Variants in C10orf143 observed in about 807,000 individuals in gnomAD.
C10orf143 encodes chromosome 10 open reading frame 143, also known as uncharacterized protein C10orf143.
chr10:130,109,288 T>C (rs1407288664), intron 1 of C10orf143, among the ~76,000 whole-genome samples: 1 of 152,222 alleles, frequency 6.6e-6, no homozygotes, highest in African/African-American at 2.4e-5. Context: ...TTTGTTTTTC[T>C]GCCATCTGGT....
At chr10:130,107,810 G>A in intron 1 of C10orf143, 1 of 1,250,192 alleles carries the variant, frequency 8.0e-7, no homozygotes, top group Middle Eastern at 1.9e-4. Context: ...GTCTCCTTCT[G>A]ACACTGGGTC....
At chr10:130,094,975 C>T (rs1029001469) in intron 1 of C10orf143, among the ~76,000 whole-genome samples, 1 of 114,226 alleles carries the variant, frequency 8.8e-6, no homozygotes, top group Non-Finnish European at 2.1e-5. Flanking sequence ...ATTTAGGAAA[C>T]CCCATTGTCT....
intron 3 of C10orf143, among the ~76,000 whole-genome samples, chr10:130,036,855 T>C (rs1033927512): frequency 1.3e-5 from 2 of 151,810 alleles, no homozygotes; most frequent in African/African-American, 2.4e-5. Context: ...TATGGGCCTG[T>C]CCTGGAGCGC....
chr10:130,062,721 A>AGGCTGCCTTCCTTGCTCCTC (rs1860869991), downstream of C10orf143, among the ~76,000 whole-genome samples: 3 of 152,174 alleles, frequency 2.0e-5, no homozygotes, highest in African/African-American at 7.2e-5. Context: ...CATGCAAGTC[A>AGGCTGCCTTCCTTGCTCCTC]ATACTCCTTA....
At chr10:130,100,999 C>G (rs1181641363) in intron 1 of C10orf143, 1 of 152,036 alleles carries the variant, frequency 6.6e-6, no homozygotes, top group Non-Finnish European at 1.5e-5. Context: ...GGGTGGATCA[C>G]CTGAGGTCAG....
At chr10:130,051,247 GCCT>G (rs1860733789) in intron 3 of C10orf143, among the ~76,000 whole-genome samples, 1 of 142,260 alleles carries the variant, frequency 7.0e-6, no homozygotes, top group African/African-American at 2.7e-5. Flanking sequence ...TCCTACCCCC[GCCT>G]CATTAAGAGT....
intron 3 of C10orf143, among the ~76,000 whole-genome samples, chr10:130,037,577 C>T (rs971242286): frequency 1.3e-5 from 2 of 152,224 alleles, no homozygotes; most frequent in Admixed American, 6.5e-5. Context: ...CCAGGGAGGG[C>T]AGCCCCACCT....
chr10:130,109,515 G>A (rs1356733353), intron 1 of C10orf143, among the ~76,000 whole-genome samples: 1 of 152,116 alleles, frequency 6.6e-6, no homozygotes, highest in Non-Finnish European at 1.5e-5. Flanking sequence ...TAGGGCCAGC[G>A]TGCTTTGAAG....
At chr10:130,096,179 G>A (rs929378468) in intron 1 of C10orf143, among the ~76,000 whole-genome samples, 4 of 151,748 alleles carry the variant, frequency 2.6e-5, no homozygotes, top group Admixed American at 1.3e-4. Flanking sequence ...TGAGGCCAAC[G>A]AACATGAAAA....
At chr10:130,096,253 G>A (rs1438259645) in intron 1 of C10orf143, among the ~76,000 whole-genome samples, 2 of 151,928 alleles carry the variant, frequency 1.3e-5, no homozygotes, top group Non-Finnish European at 2.9e-5. Flanking sequence ...ACCATCTCAC[G>A]CCAGTTAGAA....
At chr10:130,099,985 G>A (rs1247631887) in intron 1 of C10orf143, among the ~76,000 whole-genome samples, 1 of 150,378 alleles carries the variant, frequency 6.6e-6, no homozygotes, top group Non-Finnish European at 1.5e-5. Context: ...TTACAGGCAC[G>A]CGCCACCACA....
At position 130,083,830 on chromosome 10, in the gene C10orf143, G is replaced by A. The variant is rs529692569; in HGVS notation, c.70-3929C>T. 3.9e-5 allele frequency among the ~76,000 whole-genome samples: 6 copies of A among 152,216 alleles called. No individual in the cohort carries two copies. The East Asian group carries it at 9.7e-4, about 24-fold the overall frequency. Reference sequence around the variant, plus strand: ...TGGCATGGGAACAGAAATGAAGAGGGAGTGTAGAGCTCTGCATTAAAGCAC... The same window carrying A: ...TGGCATGGGAACAGAAATGAAGAGGAAGTGTAGAGCTCTGCATTAAAGCAC... On this transcript the variant is annotated intron_variant, in intron 1 of 3. Coordinates refer to ENST00000637128, the MANE Select transcript of C10orf143 (RefSeq NM_001355042.2).
chr10:130,107,628 A>G (rs1220520574), intron 1 of C10orf143: 1 of 1,336,270 alleles, frequency 7.5e-7, no homozygotes, highest in African/African-American at 1.4e-5. Context: ...CCTTCATCTG[A>G]AACGAGAGCT....
At chr10:130,108,512 G>A in intron 1 of C10orf143, 1 of 687,496 alleles carries the variant, frequency 1.5e-6, no homozygotes, top group South Asian at 1.6e-5. Flanking sequence ...AGTAACTGCT[G>A]TTACTTAAGT....
At chr10:130,052,449 A>C (rs563523386) in intron 3 of C10orf143, among the ~76,000 whole-genome samples, 1 of 152,202 alleles carries the variant, frequency 6.6e-6, no homozygotes, top group Admixed American at 6.5e-5. Context: ...CACACCCAGA[A>C]GCATCCCCGG....
intron 3 of C10orf143, among the ~76,000 whole-genome samples, chr10:130,077,727 C>G (rs770953572): frequency 3.3e-5 from 5 of 152,180 alleles, no homozygotes; most frequent in Non-Finnish European, 5.9e-5. Flanking sequence ...AACACTGAAC[C>G]TTTTGATGTT....
At chr10:130,101,865 C>CAA (rs1267433489) in intron 1 of C10orf143, among the ~76,000 whole-genome samples, 11 of 47,740 alleles carry the variant, frequency 2.3e-4, no homozygotes, top group African/African-American at 9.2e-4. Flanking sequence ...AAAAAAAAAC[C>CAA]AAAAAAAAAA....
At chr10:130,055,951 G>GAAAA (rs1860789175) in intron 3 of C10orf143, among the ~76,000 whole-genome samples, 1 of 4,468 alleles carries the variant, frequency 2.2e-4, no homozygotes, top group African/African-American at 8.8e-4. Context: ...GTCTCCAAAA[G>GAAAA]TAAAAAAAAA....
intron 1 of C10orf143, among the ~76,000 whole-genome samples, chr10:130,085,488 G>A (rs1861277573): frequency 6.6e-6 from 1 of 152,106 alleles, no homozygotes; most frequent in South Asian, 2.1e-4. Flanking sequence ...AAGTGTCGAG[G>A]TCCTAAAAGA....
Sources: gnomAD v4.1 joint callset for allele counts (sites outside exome capture counted in the v4.1 genomes callset) on GRCh38, gnomAD v4.1.1 for gene constraint, MANE v1.5 for transcripts, NCBI Gene and HGNC (gene_info 2026-07-23, HGNC 2026-07-21) for gene names.